Variants in AMPH observed in about 807,000 individuals in gnomAD.
AMPH encodes amphiphysin.
A neutral mutation model predicts 99.1 loss-of-function variants in AMPH; 49 were observed. The ratio of observed to expected loss-of-function variants is 0.49; its 90% CI spans 0.39 to 0.63. The LOEUF (loss-of-function observed/expected upper bound fraction) is 0.63, where lower values mean the gene tolerates loss of function less well. AMPH is among the 20% of genes least tolerant of loss of function. AMPH has a pLI of 0.00. For synonymous variants in AMPH, 314 were observed against 317.3 expected (o/e 0.99, Z 0.11); for missense variants, 759 against 863.4 (o/e 0.88, Z 1.52).
chr7:38,616,718 G>A (rs1316877235), intron 1 of AMPH, among the ~76,000 whole-genome samples: 2 of 152,124 alleles, frequency 1.3e-5, no homozygotes, highest in Admixed American at 1.3e-4. Flanking sequence ...ACATGATGAG[G>A]AGCAAAAGAA....
chr7:38,430,573 C>T (rs911677915), intron 13 of AMPH, among the ~76,000 whole-genome samples: 5 of 152,078 alleles, frequency 3.3e-5, no homozygotes, highest in African/African-American at 1.2e-4. Flanking sequence ...ACCCTCCCAG[C>T]GAGGGAAGGA....
intron 1 of AMPH, among the ~76,000 whole-genome samples, chr7:38,594,254 T>G (rs1307584897): frequency 2.6e-5 from 4 of 151,986 alleles, no homozygotes; most frequent in Non-Finnish European, 5.9e-5. Flanking sequence ...GAGTTTAGAG[T>G]GACAAGGTTT....
intron 17 of AMPH, among the ~76,000 whole-genome samples, chr7:38,396,080 G>A (rs192374198): frequency 4.6e-5 from 7 of 152,174 alleles, no homozygotes; most frequent in East Asian, 3.9e-4. Flanking sequence ...CTCCTATTAC[G>A]AGGATGTGGC....
chr7:38,533,399 T>G, intron 2 of AMPH, among the ~76,000 whole-genome samples: 1 of 152,198 alleles, frequency 6.6e-6, no homozygotes, highest in East Asian at 1.9e-4. Flanking sequence ...GCTATCCCAT[T>G]CATGGTAAAC....
intron 14 of AMPH, chr7:38,428,538 T>C (rs750219757): frequency 4.4e-6 from 2 of 456,650 alleles, no homozygotes; most frequent in African/African-American, 2.0e-5. Flanking sequence ...TTCTTCAGCA[T>C]CTGTACTGTC....
At chr7:38,461,846 T>A (rs975123828) in intron 10 of AMPH, among the ~76,000 whole-genome samples, 1 of 152,264 alleles carries the variant, frequency 6.6e-6, no homozygotes, top group Admixed American at 6.5e-5. Context: ...CACTTTCCAT[T>A]CAAGGATTTT....
rs930710362 is a variant in AMPH at position 38,384,748 on chromosome 7, T to G, written c.*70A>C. The G allele has an allele frequency of 1.0e-5, 13 of 1,272,918 alleles. No homozygotes were observed. The highest frequency in any genetic ancestry group is 1.5e-5 in the Non-Finnish European group (13 of 874,962). The allele number at this position is 1,272,918 out of a possible 1,614,324, so 78.9% of individuals were successfully genotyped here. ...ATCATTAAGAGCATAATAACAAAAG[T>G]GAACTCTTCAGGTTTTCATGAAGGT... is the stretch of plus-strand genomic sequence containing the variant. On this transcript the variant is annotated 3_prime_UTR_variant, in exon 21 of 21. Transcript: ENST00000356264.
chr7:38,449,347 G>T (rs1786917465), intron 11 of AMPH, among the ~76,000 whole-genome samples: 1 of 152,200 alleles, frequency 6.6e-6, no homozygotes, highest in South Asian at 2.1e-4. Context: ...CACTAGGAGA[G>T]GCAAGGTTCA....
chr7:38,625,863 A>G (rs1480972247), intron 1 of AMPH, among the ~76,000 whole-genome samples: 1 of 152,234 alleles, frequency 6.6e-6, no homozygotes, highest in Non-Finnish European at 1.5e-5. Flanking sequence ...ATCCATATAC[A>G]TAGAAACTCA....
At chr7:38,403,989 A>G (rs1784914209) in intron 17 of AMPH, among the ~76,000 whole-genome samples, 1 of 152,232 alleles carries the variant, frequency 6.6e-6, no homozygotes, top group South Asian at 2.1e-4. Flanking sequence ...TGGTGGCAAC[A>G]GAGGACAGAC....
intron 11 of AMPH, among the ~76,000 whole-genome samples, chr7:38,437,461 T>C (rs1786311964): frequency 6.6e-6 from 1 of 151,772 alleles, no homozygotes; most frequent in Admixed American, 6.6e-5. Flanking sequence ...TTAATATTCA[T>C]CACAGACATT....
intron 1 of AMPH, among the ~76,000 whole-genome samples, chr7:38,622,475 A>G (rs575877992): frequency 4.8e-4 from 73 of 151,864 alleles, no homozygotes; most frequent in African/African-American, 1.6e-3. Context: ...ACACACACAC[A>G]CACGCACAAA....
At chr7:38,544,869 G>C (rs1790936475) in intron 1 of AMPH, among the ~76,000 whole-genome samples, 1 of 152,140 alleles carries the variant, frequency 6.6e-6, no homozygotes, top group African/African-American at 2.4e-5. Flanking sequence ...AATATCAAAG[G>C]TCTGACAGGG....
chr7:38,562,861 CT>C (rs1791604794), intron 1 of AMPH, among the ~76,000 whole-genome samples: 1 of 152,056 alleles, frequency 6.6e-6, no homozygotes, highest in South Asian at 2.1e-4. Context: ...AGGGGTAAAG[CT>C]TAACTTGAAA....
At chr7:38,435,150 T>C (rs973527) in intron 12 of AMPH, among the ~76,000 whole-genome samples, 51,137 of 152,156 alleles carry the variant, frequency 0.34, 9,271 homozygotes, top group Non-Finnish European at 0.42. Context: ...GAGACCCTTT[T>C]GTTTTTTGCA....
rs754606072 is a variant in AMPH, at chr7:38,465,557, G to A, written c.667-8C>T. The A allele has an allele frequency of 6.4e-6, 10 of 1,572,556 alleles. No individual in the cohort carries two copies. The Admixed American group carries it at 9.3e-5, about 15-fold the overall frequency. On this transcript the variant is annotated splice_region_variant and splice_polypyrimidine_tract_variant and intron_variant, in intron 8 of 20. Coordinates refer to ENST00000356264, the MANE Select transcript of AMPH (RefSeq NM_001635.4). ...ATACAGTTTGTGGCAAAGCTAAGGG[G>A]ACAGAGGCCACTTGTCTATTAGTCA...
chr7:38,610,867 G>T (rs185794618), intron 1 of AMPH, among the ~76,000 whole-genome samples: 1 of 152,162 alleles, frequency 6.6e-6, no homozygotes, highest in Admixed American at 6.5e-5. Context: ...GGACAGAGCA[G>T]CAGAATGAGA....
At chr7:38,605,957 T>C (rs1002125028) in intron 1 of AMPH, among the ~76,000 whole-genome samples, 1 of 152,180 alleles carries the variant, frequency 6.6e-6, no homozygotes, top group Non-Finnish European at 1.5e-5. Context: ...CCATCCCTCA[T>C]ATGCATGACC....
At chr7:38,580,494 G>A (rs557766686) in intron 1 of AMPH, among the ~76,000 whole-genome samples, 1 of 152,184 alleles carries the variant, frequency 6.6e-6, no homozygotes, top group African/African-American at 2.4e-5. Context: ...CTCCAGGTTG[G>A]ACGTCCTCCC....
Sources: gnomAD v4.1 joint callset for allele counts (sites outside exome capture counted in the v4.1 genomes callset) on GRCh38, gnomAD v4.1.1 for gene constraint, MANE v1.5 for transcripts, NCBI Gene and HGNC (gene_info 2026-07-23, HGNC 2026-07-21) for gene names.